Variants in MGAM observed in about 807,000 individuals in gnomAD.
MGAM encodes the protein alpha-1,4-glucosidase.
A neutral mutation model predicts 358.8 loss-of-function variants in MGAM; 253 were observed. That is an observed-to-expected ratio of 0.71 (90% CI 0.64 to 0.78). The LOEUF (loss-of-function observed/expected upper bound fraction) is 0.78. Among genes scored for constraint, MGAM ranks in the 30% least tolerant of loss-of-function variants. The pLI is 0.00. For synonymous variants in MGAM, 1,105 were observed against 1,227.1 expected, an observed-to-expected ratio of 0.90 and a Z score of 2.08; for missense variants, 3,080 against 3,432.6, an observed-to-expected ratio of 0.90 and a Z score of 2.57.
chr7:142,033,512 G>A (rs989312107), intron 14 of MGAM, among the ~76,000 whole-genome samples: 2 of 152,122 alleles, frequency 1.3e-5, no homozygotes, highest in Middle Eastern at 3.2e-3. Flanking sequence ...GGAAAAAACT[G>A]CTAAGATGAT....
chr7:142,102,033 T>A (rs1458109235), intron 68 of MGAM, among the ~76,000 whole-genome samples: 2 of 152,160 alleles, frequency 1.3e-5, no homozygotes, highest in Non-Finnish European at 2.9e-5. Context: ...AACCAAGCTA[T>A]TGACTAGTTC....
chr7:142,102,759 C>T, intron 69 of MGAM, 80 bp downstream of exon 69: 1 of 1,325,508 alleles, frequency 7.5e-7, no homozygotes, highest in Non-Finnish European at 1.1e-6. Context: ...CATAAAATAC[C>T]ACCTAGAATT....
chr7:142,095,856 T>G, intron 64 of MGAM, 143 bp downstream of exon 64: 1 of 1,295,412 alleles, frequency 7.7e-7, no homozygotes. Flanking sequence ...TTACTCTCTT[T>G]AGCACAGTGC....
upstream of MGAM, among the ~76,000 whole-genome samples, chr7:141,991,715 G>C (rs1323064185): frequency 6.6e-6 from 1 of 152,092 alleles, no homozygotes; most frequent in Non-Finnish European, 1.5e-5. Context: ...GATTACAGGC[G>C]TGAGCCACCA....
At position 142,085,863 on chromosome 7, in the gene MGAM, G is replaced by C; in HGVS notation, c.6538G>C (p.Glu2180Gln). ...GCAGTACTCAGACATCGACTACATG[G>C]AGCGGCAGCTGGACTTCACCCTCAG... ...DVQYSDIDYM[E>Q]RQLDFTLSPK... The change falls in exon 55 of 71, where the codon GAG becomes CAG. Residue 2180 changes from glutamate (E) to glutamine (Q), a missense_variant. Coordinates refer to ENST00000475668, the MANE Select transcript of MGAM (RefSeq NM_001365693.1). The C allele has an allele frequency of 6.4e-7, 1 of 1,565,630 alleles. No homozygotes were observed. The highest frequency in any genetic ancestry group is 8.8e-7 in the Non-Finnish European group (1 of 1,141,248).
rs780595542 is a variant in MGAM at position 142,056,866 on chromosome 7, G to A, written c.3617G>A (p.Arg1206His). The change falls in exon 30 of 71, where the codon CGC becomes CAC. Residue 1206 changes from arginine (R) to histidine (H), a missense_variant. Physicochemically the swap from Arg to His is conservative, Grantham distance 29. This residue lies in a region of MGAM where 1,816 missense variants were observed against 1,840.5 expected (regional missense o/e 0.99). Coordinates refer to ENST00000475668, the MANE Select transcript of MGAM (RefSeq NM_001365693.1). ...TFQPLPALTY[R>H]TTGGVLDFYV... is the part of the protein sequence containing the mutation. ...CAGCCCCTGCCTGCCTTGACATACC[G>A]CACCACAGGGGGAGTTCTGGACTTT... 64 of 1,613,660 alleles carry A rather than the reference G, an allele frequency of 4.0e-5. No individual in the cohort carries two copies. Among genetic ancestry groups the A allele is most frequent in the Admixed American group, 2.5e-4 (15 of 59,998 alleles).
chr7:142,067,710 T>G (rs1316998226), intron 42 of MGAM, among the ~76,000 whole-genome samples: 2 of 140,094 alleles, frequency 1.4e-5, no homozygotes, highest in African/African-American at 4.9e-5. Flanking sequence ...ACTAAAATAA[T>G]TAATAGAAGG....
intron 13 of MGAM, among the ~76,000 whole-genome samples, chr7:142,032,114 A>G (rs1213727938): frequency 6.6e-6 from 1 of 150,544 alleles, no homozygotes; most frequent in Non-Finnish European, 1.5e-5. Context: ...TGCAAAGTAT[A>G]CAAATTGTTC....
Position 142,086,699 on chromosome 7 carries a change from C to A in MGAM, c.6792C>A (p.Asp2264Glu). The change falls in exon 57 of 71, where the codon GAC (aspartate) becomes GAA (glutamate). Residue 2264 changes from aspartate to glutamate, a missense_variant. Around this residue, in one of 5 missense-constraint regions of MGAM, gnomAD observed 932 missense variants for 1,198.2 expected, o/e 0.78. Coordinates refer to ENST00000475668, the MANE Select transcript of MGAM (RefSeq NM_001365693.1). ...FPDVVVNGSL[D>E]WDSQVELYRA... ...ATGTTGTTGTGAATGGGTCTCTAGA[C>A]TGGGACAGTCAAGTGGAGGTAAAGG... 1 of 1,116,758 alleles carries A rather than the reference C, an allele frequency of 9.0e-7. No homozygotes were observed. The highest frequency in any genetic ancestry group is 1.2e-6 in the Non-Finnish European group (1 of 808,856). The allele number at this position is 1,116,758 out of a possible 1,614,324, so 69.2% of individuals were successfully genotyped here. A position where few individuals can be genotyped will look rare whatever the true frequency, so the allele number is the denominator to read the frequency against.
rs782729423 is a variant in MGAM at position 142,034,298 on chromosome 7, G to A, written c.1706G>A (p.Cys569Tyr). ...LDGYLFCKTLCMDAVQHWGKQ... is the reference protein window; with the variant it reads ...LDGYLFCKTLYMDAVQHWGKQ... ...GGGTACCTGTTCTGCAAGACTCTCT[G>A]TATGGATGCAGTGCAGCACTGGGGC... Residue 569 changes from cysteine to tyrosine, a missense_variant, in exon 15 of 71, where the codon TGT becomes TAT. Physicochemically the swap from Cys to Tyr is radical, Grantham distance 194. This residue lies in a region of MGAM where 1,816 missense variants were observed against 1,840.5 expected (regional missense o/e 0.99). Coordinates refer to ENST00000475668, the MANE Select transcript of MGAM (RefSeq NM_001365693.1). The A allele has an allele frequency of 3.1e-6, 5 of 1,600,030 alleles. No individual in the cohort carries two copies. The highest frequency in any genetic ancestry group is 2.6e-6 in the Non-Finnish European group (3 of 1,173,108).
intron 9 of MGAM, 25 bp downstream of exon 9, chr7:142,027,252 G>T: frequency 6.5e-7 from 1 of 1,534,362 alleles, no homozygotes; most frequent in South Asian, 1.1e-5. Context: ...TCAAGATTAT[G>T]ACTCAGGAAA....
At chr7:142,043,971 C>T (rs1354682563) in intron 21 of MGAM, among the ~76,000 whole-genome samples, 2 of 96,828 alleles carry the variant, frequency 2.1e-5, no homozygotes, top group South Asian at 3.1e-4. Context: ...TATACACATA[C>T]GACGTATAAT....
At chr7:142,036,694 G>A in intron 17 of MGAM, 129 bp from the exon 18 acceptor site, 1 of 981,236 alleles carries the variant, frequency 1.0e-6, no homozygotes, top group Non-Finnish European at 1.5e-6. Context: ...TCAGAAGCGA[G>A]GTTTGCAACC....
Position 142,025,099 on chromosome 7 carries a change from A to T in MGAM, c.932A>T (p.Asp311Val). 6.2e-7 allele frequency: 1 copy of T among 1,613,656 alleles called. No individual in the cohort carries two copies. Among genetic ancestry groups the T allele is most frequent in the Non-Finnish European group, 8.5e-7 (1 of 1,179,610 alleles). ...GAQTFFLCLEDASGLSFGVFL... is the reference protein window; with the variant it reads ...GAQTFFLCLEVASGLSFGVFL... ...CAGACATTCTTCTTGTGCCTTGAAG[A>T]TGCTAGTGGATTGTCCTTTGGGGTG... The change falls in exon 8 of 71, where the codon GAT becomes GTT. Residue 311 changes from aspartate (D) to valine (V), a missense_variant. This residue lies in a region of MGAM where 1,816 missense variants were observed against 1,840.5 expected (regional missense o/e 0.99). Coordinates refer to ENST00000475668, the MANE Select transcript of MGAM (RefSeq NM_001365693.1).
intron 26 of MGAM, 38 bp from the exon 27 acceptor site, chr7:142,054,716 G>A: frequency 1.2e-6 from 2 of 1,610,298 alleles, no homozygotes; most frequent in South Asian, 2.2e-5. Flanking sequence ...GGTTTCAAGA[G>A]TAGTATTGTT....
chr7:142,048,154 T>G (rs867103140), intron 22 of MGAM, among the ~76,000 whole-genome samples: 1 of 133,336 alleles, frequency 7.5e-6, no homozygotes, highest in African/African-American at 2.7e-5. Flanking sequence ...TTTATTTATT[T>G]ATTTATTTAT....
chr7:142,000,946 T>C (rs1397592347), intron 1 of MGAM, among the ~76,000 whole-genome samples: 1 of 152,194 alleles, frequency 6.6e-6, no homozygotes, highest in Non-Finnish European at 1.5e-5. Flanking sequence ...TAAAAAGCAA[T>C]CTCACATCTT....
chr7:142,064,918 C>G (rs1229542062), intron 37 of MGAM, among the ~76,000 whole-genome samples: 2 of 152,022 alleles, frequency 1.3e-5, no homozygotes, highest in Admixed American at 1.3e-4. Context: ...GTATTTTTGG[C>G]CATTCTTGGT....
intron 21 of MGAM, among the ~76,000 whole-genome samples, chr7:142,042,831 C>A (rs191522477): frequency 0.019 from 476 of 25,606 alleles, 1 homozygote; most frequent in Non-Finnish European, 0.031. Flanking sequence ...AATATAATAT[C>A]TATATTATAT....
Sources: gnomAD v4.1 joint callset for allele counts (sites outside exome capture counted in the v4.1 genomes callset) on GRCh38, gnomAD v4.1.1 for gene constraint, gnomAD v4.1.1 regional missense constraint, MANE v1.5 for transcripts, NCBI Gene and HGNC (gene_info 2026-07-23, HGNC 2026-07-21) for gene names.